Variants in RNFT2 observed in about 807,000 individuals in gnomAD.
RNFT2 encodes E3 ubiquitin-protein ligase RNFT2.
RNFT2 carries 36 observed loss-of-function variants against 53.0 expected under a neutral mutation model. The observed-to-expected ratio is 0.68, with a 90% CI of 0.52 to 0.90. The LOEUF is 0.90. RNFT2 is among the 40% of genes least tolerant of loss of function. The pLI, the probability that RNFT2 is intolerant of heterozygous loss-of-function variation, is 0.00. For synonymous variants in RNFT2, 260 were observed against 253.2 expected, an observed-to-expected ratio of 1.03 and a Z score of -0.26; for missense variants, 514 against 585.6, an observed-to-expected ratio of 0.88 and a Z score of 1.26.
At chr12:116,848,567 CCACCCCAA>C in intron 10 of RNFT2, among the ~76,000 whole-genome samples, 1 of 152,282 alleles carries the variant, frequency 6.6e-6, no homozygotes, top group South Asian at 2.1e-4. Context: ...CCTCTCCCAT[CCACCCCAA>C]CAACCCCAGC....
intron 7 of RNFT2, chr12:116,800,904 G>C (rs1200597072): frequency 1.3e-5 from 2 of 151,914 alleles, no homozygotes; most frequent in East Asian, 3.9e-4. Flanking sequence ...AGGCTAACCA[G>C]TTTGTGAAGG....
rs962196203 is a variant in RNFT2 at position 116,853,529 on chromosome 12, C to G, written c.*4081C>G. ...GAAAGAGAGGTAAATAAAGTGGGTC[C>G]TGGAATCTTTTAGGACTTCTGCTGT... On this transcript the variant is annotated 3_prime_UTR_variant, in exon 11 of 11. Coordinates refer to ENST00000257575, the MANE Select transcript of RNFT2 (RefSeq NM_001382266.1). 5 of 232,194 alleles carry G rather than the reference C, an allele frequency of 2.2e-5. No individual in the cohort carries two copies. Among genetic ancestry groups the G allele is most frequent in the Non-Finnish European group, 4.1e-5 (5 of 120,672 alleles). The allele number at this position is 232,194 out of a possible 1,614,324, so 14.4% of individuals were successfully genotyped here.
At chr12:116,811,184 G>A (rs1183455122) in intron 7 of RNFT2, among the ~76,000 whole-genome samples, 1 of 152,046 alleles carries the variant, frequency 6.6e-6, no homozygotes, top group African/African-American at 2.4e-5. Flanking sequence ...GTGGGAGGAT[G>A]GCTTGAGCCC....
chr12:116,764,931 G>A (rs901839971), intron 5 of RNFT2, among the ~76,000 whole-genome samples: 1 of 152,104 alleles, frequency 6.6e-6, no homozygotes, highest in Non-Finnish European at 1.5e-5. Context: ...CAGCTTTGGG[G>A]GCTAGGTCTG....
chr12:116,766,347 C>A (rs1872913626), intron 5 of RNFT2, among the ~76,000 whole-genome samples: 1 of 152,156 alleles, frequency 6.6e-6, no homozygotes, highest in African/African-American at 2.4e-5. Context: ...TAAAACACAG[C>A]CCCTTGAGGT....
rs973369533 is a variant in RNFT2, at chr12:116,852,986, G to A, written c.*3538G>A. On this transcript the variant is annotated 3_prime_UTR_variant, in exon 11 of 11. Transcript: ENST00000257575. The stretch of plus-strand genomic sequence containing the variant: ...GTTAACACTGTAAAGAATGTAACAT[G>A]TGGGGGACACACAGGGGCAGATGGG... 4 of 517,152 alleles carry A rather than the reference G, an allele frequency of 7.7e-6. No homozygotes were observed. The highest frequency in any genetic ancestry group is 3.6e-5 in the South Asian group (1 of 27,550). 32.0% of individuals were successfully genotyped at this position (517,152 alleles called of 1,614,324 possible).
chr12:116,807,624 A>G (rs1486207807), intron 7 of RNFT2, among the ~76,000 whole-genome samples: 1 of 152,074 alleles, frequency 6.6e-6, no homozygotes, highest in African/African-American at 2.4e-5. Flanking sequence ...CCCCTGACCC[A>G]GAGACTGCAA....
intron 7 of RNFT2, among the ~76,000 whole-genome samples, chr12:116,812,777 A>C (rs1875452370): frequency 6.6e-6 from 1 of 152,118 alleles, no homozygotes; most frequent in East Asian, 1.9e-4. Context: ...CAAGTGATCC[A>C]CCTGCCTTGG....
At chr12:116,776,434 G>T (rs1458721267) in intron 6 of RNFT2, among the ~76,000 whole-genome samples, 2 of 152,190 alleles carry the variant, frequency 1.3e-5, no homozygotes, top group Non-Finnish European at 2.9e-5. Flanking sequence ...GGAAGGGCAA[G>T]AGCAGAGCTA....
At chr12:116,742,761 A>T (rs1220732702) in intron 3 of RNFT2, among the ~76,000 whole-genome samples, 1 of 152,124 alleles carries the variant, frequency 6.6e-6, no homozygotes, top group Non-Finnish European at 1.5e-5. Flanking sequence ...AGCCTAGGTG[A>T]CATGAGGAGA....
chr12:116,743,280 T>G (rs1871732163), intron 3 of RNFT2, among the ~76,000 whole-genome samples: 1 of 137,818 alleles, frequency 7.3e-6, no homozygotes, highest in Non-Finnish European at 1.6e-5. Context: ...GAATTTTTTT[T>G]TTTTGAGATG....
At chr12:116,763,049 T>C (rs956818104) in intron 5 of RNFT2, among the ~76,000 whole-genome samples, 1 of 152,146 alleles carries the variant, frequency 6.6e-6, no homozygotes, top group African/African-American at 2.4e-5. Flanking sequence ...ACCACTGCAC[T>C]CTAGCCTGGG....
intron 7 of RNFT2, among the ~76,000 whole-genome samples, chr12:116,793,838 A>T (rs1289057167): frequency 6.6e-6 from 1 of 152,148 alleles, no homozygotes; most frequent in Non-Finnish European, 1.5e-5. Context: ...CTTTCCTAGC[A>T]TATACCAGTA....
At chr12:116,793,962 C>A (rs941184431) in intron 7 of RNFT2, among the ~76,000 whole-genome samples, 1 of 152,188 alleles carries the variant, frequency 6.6e-6, no homozygotes, top group Non-Finnish European at 1.5e-5. Flanking sequence ...GAATGTACCA[C>A]TGTGGGCTGA....
At chr12:116,802,166 G>C (rs1874831169) in intron 7 of RNFT2, among the ~76,000 whole-genome samples, 1 of 152,104 alleles carries the variant, frequency 6.6e-6, no homozygotes, top group African/African-American at 2.4e-5. Flanking sequence ...AATAACTTTG[G>C]GAAATGCTCT....
At chr12:116,760,181 G>C (rs1006171780) in intron 5 of RNFT2, among the ~76,000 whole-genome samples, 1 of 152,066 alleles carries the variant, frequency 6.6e-6, no homozygotes, top group Non-Finnish European at 1.5e-5. Context: ...ACGAAGGGCC[G>C]GTCTCACTCC....
intron 10 of RNFT2, among the ~76,000 whole-genome samples, chr12:116,841,571 A>G (rs1877250484): frequency 6.6e-6 from 1 of 150,522 alleles, no homozygotes; most frequent in East Asian, 2.0e-4. Context: ...AACATGGTGA[A>G]GCCCGGTCTC....
chr12:116,843,933 C>T (rs1211569144), intron 10 of RNFT2, among the ~76,000 whole-genome samples: 2 of 152,178 alleles, frequency 1.3e-5, no homozygotes, highest in Non-Finnish European at 2.9e-5. Context: ...AGTAGGAGTA[C>T]GATAACAACA....
At chr12:116,797,821 A>G (rs1175924049) in intron 7 of RNFT2, among the ~76,000 whole-genome samples, 1 of 152,170 alleles carries the variant, frequency 6.6e-6, no homozygotes, top group Admixed American at 6.5e-5. Context: ...TTTTAATTAC[A>G]TGTAGATTAA....
Sources: allele counts gnomAD v4.1 joint callset (sites outside exome capture counted in the v4.1 genomes callset), GRCh38; gene constraint gnomAD v4.1.1; transcripts MANE v1.5; gene names NCBI Gene and HGNC (gene_info 2026-07-23, HGNC 2026-07-21).